Variants in SYNDIG1 observed in about 807,000 individuals in gnomAD.
SYNDIG1 encodes the protein synapse differentiation-inducing gene protein 1.
In SYNDIG1, 9 loss-of-function variants were observed where a neutral mutation model predicts 19.4. The observed-to-expected ratio is 0.46, with a 90% CI of 0.28 to 0.81. The LOEUF (loss-of-function observed/expected upper bound fraction) is 0.81. SYNDIG1 is among the 30% of genes least tolerant of loss of function. The probability of loss-of-function intolerance (pLI) is 0.12; values close to 1 mark genes in which losing one functional copy is unlikely to be tolerated. For missense variants in SYNDIG1, 311 were observed against 343.3 expected (o/e 0.91, Z 0.74); for synonymous variants, 141 against 145.9 (o/e 0.97, Z 0.24).
intron 1 of SYNDIG1, among the ~76,000 whole-genome samples, chr20:24,473,372 C>A (rs937297676): frequency 6.6e-6 from 1 of 152,170 alleles, no homozygotes; most frequent in Admixed American, 6.5e-5. Context: ...TAGAGATAGG[C>A]TGACCAGGTC....
At chr20:24,556,917 A>G (rs1048624651) in intron 2 of SYNDIG1, among the ~76,000 whole-genome samples, 9 of 152,026 alleles carry the variant, frequency 5.9e-5, no homozygotes, top group Non-Finnish European at 1.5e-5. Flanking sequence ...ACTTGGTTCC[A>G]TTCTCCCCGT....
chr20:24,654,650 G>GGAAAGAAGGAAGGAAGGAAGGA (rs2059505234), intron 3 of SYNDIG1, among the ~76,000 whole-genome samples: 2 of 117,352 alleles, frequency 1.7e-5, no homozygotes, highest in African/African-American at 6.8e-5. Context: ...GGGAGGGAGG[G>GGAAAGAAGGAAGGAAGGAAGGA]AGGAAGGAAG....
intron 2 of SYNDIG1, among the ~76,000 whole-genome samples, chr20:24,561,674 G>T (rs2057948567): frequency 6.6e-6 from 1 of 152,158 alleles, no homozygotes; most frequent in African/African-American, 2.4e-5. Context: ...GGCTATGGCT[G>T]TGTTTGTCAG....
intron 3 of SYNDIG1, among the ~76,000 whole-genome samples, chr20:24,597,755 C>T (rs1361905175): frequency 6.6e-6 from 1 of 152,198 alleles, no homozygotes; most frequent in Non-Finnish European, 1.5e-5. Context: ...GGCAGGGCAA[C>T]ATCTGATATT....
chr20:24,584,308 A>G lies in SYNDIG1; in HGVS notation c.481-548A>G, dbSNP rs930316818. ...ACTTAAAAGAGAGATTCAGGGGACA[A>G]TGTCCTCCGTCGATCCACATCAGCC... On this transcript the variant is annotated intron_variant, in intron 2 of 3. Coordinates refer to ENST00000376862, the MANE Select transcript of SYNDIG1 (RefSeq NM_024893.3). 1.1e-4 allele frequency among the ~76,000 whole-genome samples: 16 copies of G among 152,340 alleles called. 1 individual carries two copies. The highest frequency in any genetic ancestry group is 6.2e-4 in the South Asian group (3 of 4,830).
intron 3 of SYNDIG1, among the ~76,000 whole-genome samples, chr20:24,607,069 C>T (rs2058766226): frequency 2.0e-5 from 3 of 152,104 alleles, no homozygotes; most frequent in Non-Finnish European, 4.4e-5. Context: ...TTTTTGAAAA[C>T]TCCACCTTGG....
intron 3 of SYNDIG1, among the ~76,000 whole-genome samples, chr20:24,665,037 A>T (rs981096124): frequency 1.3e-5 from 2 of 152,172 alleles, no homozygotes; most frequent in African/African-American, 4.8e-5. Flanking sequence ...CGTGCTGGAG[A>T]TCCCAGACCC....
Position 24,637,815 on chromosome 20 carries a change from A to G in SYNDIG1, c.619-27531A>G, listed in dbSNP as rs78638018. On this transcript the variant is annotated intron_variant, in intron 3 of 3. Transcript: ENST00000376862. ...CTGCACCCACCTAGTTGGCTGGTGT[A>G]GACCACCCTGGCTCCCTTCGAGTCT... Among the ~76,000 whole-genome samples the G allele has an allele frequency of 1.8e-4, 28 of 152,328 alleles. No homozygotes were observed. The East Asian group carries it at 5.2e-3, about 28-fold the overall frequency.
At chr20:24,600,532 C>T (rs1012803776) in intron 3 of SYNDIG1, among the ~76,000 whole-genome samples, 2 of 151,896 alleles carry the variant, frequency 1.3e-5, no homozygotes, top group African/African-American at 4.8e-5. Context: ...ACAGAACACA[C>T]TTTTCTTGCA....
chr20:24,585,127 A>C, intron 3 of SYNDIG1, 134 bp downstream of exon 3: 1 of 1,212,958 alleles, frequency 8.2e-7, no homozygotes, highest in Non-Finnish European at 1.2e-6. Flanking sequence ...GCACTTGCCC[A>C]GTTGGAGGAT....
intron 1 of SYNDIG1, among the ~76,000 whole-genome samples, chr20:24,500,558 T>TTC (rs1156324838): frequency 1.3e-5 from 2 of 151,528 alleles, no homozygotes; most frequent in Non-Finnish European, 2.9e-5. Flanking sequence ...TCTTTTTTCT[T>TTC]TCTCTCTCTC....
intron 1 of SYNDIG1, among the ~76,000 whole-genome samples, chr20:24,539,343 G>GA (rs1051017915): frequency 7.9e-5 from 12 of 151,814 alleles, no homozygotes; most frequent in South Asian, 6.2e-4. Context: ...ACCATTTGTT[G>GA]AAAAAAAATG....
intron 3 of SYNDIG1, among the ~76,000 whole-genome samples, chr20:24,640,486 GA>G (rs1411045199): frequency 1.2e-5 from 1 of 80,970 alleles, no homozygotes; most frequent in Non-Finnish European, 3.2e-5. Context: ...AGGAAGGAAG[GA>G]AGGAAGGAAG....
intron 1 of SYNDIG1, among the ~76,000 whole-genome samples, chr20:24,532,666 A>G (rs2057283999): frequency 2.0e-5 from 3 of 152,238 alleles, no homozygotes; most frequent in African/African-American, 7.2e-5. Context: ...AGTTAAAGAA[A>G]GCAACAGAGT....
Position 24,555,515 on chromosome 20 carries a change from C to T in SYNDIG1, c.480+11938C>T, listed in dbSNP as rs576829556. Reference sequence around the variant, plus strand: ...CTCTGGTATGTTGTGTCTTTGTTCTCGTTGGTTTCAAAGAACATCTTTATT... The same window carrying T: ...CTCTGGTATGTTGTGTCTTTGTTCTTGTTGGTTTCAAAGAACATCTTTATT... On this transcript the variant is annotated intron_variant, in intron 2 of 3. Transcript: ENST00000376862. Among the ~76,000 whole-genome samples, 20 of 152,152 alleles carry T rather than the reference C, an allele frequency of 1.3e-4. 1 individual carries two copies. The South Asian group carries it at 2.9e-3, about 22-fold the overall frequency.
chr20:24,494,214 G>A (rs2056236575), intron 1 of SYNDIG1, among the ~76,000 whole-genome samples: 2 of 152,226 alleles, frequency 1.3e-5, no homozygotes, highest in Admixed American at 1.3e-4. Context: ...GCACAGCAGG[G>A]CAGTATGTGT....
intron 3 of SYNDIG1, among the ~76,000 whole-genome samples, chr20:24,619,544 G>A (rs537984068): frequency 6.6e-6 from 1 of 152,348 alleles, no homozygotes; most frequent in East Asian, 1.9e-4. Flanking sequence ...TGATTCTCAG[G>A]GGAGCTGGTA....
At chr20:24,506,421 G>T (rs1030685605) in intron 1 of SYNDIG1, among the ~76,000 whole-genome samples, 2 of 152,216 alleles carry the variant, frequency 1.3e-5, no homozygotes, top group African/African-American at 4.8e-5. Flanking sequence ...TCCCCCAAGC[G>T]CCAAAGAGAG....
intron 3 of SYNDIG1, among the ~76,000 whole-genome samples, chr20:24,628,303 G>A (rs184735100): frequency 3.7e-4 from 56 of 152,318 alleles, no homozygotes; most frequent in Non-Finnish European, 5.7e-4. Flanking sequence ...AAACTTGGAC[G>A]TCTGCAGCAA....
Sources: allele counts gnomAD v4.1 joint callset (sites outside exome capture counted in the v4.1 genomes callset), GRCh38; gene constraint gnomAD v4.1.1; transcripts MANE v1.5; gene names NCBI Gene and HGNC (gene_info 2026-07-23, HGNC 2026-07-21).